Variants in DCUN1D3 observed in about 807,000 individuals in gnomAD.
DCUN1D3 encodes defective in cullin neddylation 1 domain containing 3, also known as DCN1-like protein 3.
In DCUN1D3, 6 loss-of-function variants were observed where a neutral mutation model predicts 24.8. That is an observed-to-expected ratio of 0.24 (90% confidence interval 0.13 to 0.48). DCUN1D3 has a LOEUF of 0.48. Among genes scored for constraint, DCUN1D3 ranks in the 20% least tolerant of loss-of-function variants. The pLI, the probability that DCUN1D3 is intolerant of heterozygous loss-of-function variation, is 0.99. For missense variants in DCUN1D3, 258 were observed against 379.4 expected (o/e 0.68, Z 2.66); for synonymous variants, 120 against 144.9 (o/e 0.83, Z 1.24).
Position 20,859,994 on chromosome 16 carries a change from G to A in DCUN1D3, c.807C>T (p.Leu269=). 6.2e-7 allele frequency: 1 copy of A among 1,614,244 alleles called. No homozygotes were observed. Among genetic ancestry groups the A allele is most frequent in the South Asian group, 1.1e-5 (1 of 91,082 alleles). ...NYSEDEAWPS[L]FDTFVEWEME... ...TTTCCCACTCCACAAAGGTGTCAAA[G>A]AGACTTGGCCAGGCCTCATCTTCAC... is the stretch of plus-strand genomic sequence containing the variant. The change falls in exon 3 of 3, where the codon CTC becomes CTT. Residue 269 remains leucine (L), a synonymous_variant. Coordinates refer to ENST00000324344, the MANE Select transcript of DCUN1D3 (RefSeq NM_173475.4).
chr16:20,883,859 C>G (rs188352135), intron 1 of DCUN1D3, among the ~76,000 whole-genome samples: 1 of 152,312 alleles, frequency 6.6e-6, no homozygotes, highest in East Asian at 1.9e-4. Flanking sequence ...TTAAGCAACT[C>G]CAGCTCTTTG....
intron 1 of DCUN1D3, among the ~76,000 whole-genome samples, chr16:20,867,595 T>G (rs887729805): frequency 2.0e-5 from 3 of 152,242 alleles, no homozygotes; most frequent in African/African-American, 7.2e-5. Context: ...GATATCTGCC[T>G]GATAGAGCTC....
intron 1 of DCUN1D3, among the ~76,000 whole-genome samples, chr16:20,874,640 G>A (rs2081804977): frequency 6.6e-6 from 1 of 152,098 alleles, no homozygotes; most frequent in South Asian, 2.1e-4. Flanking sequence ...CCTGAACTTG[G>A]CTACCCTCTT....
intron 1 of DCUN1D3, among the ~76,000 whole-genome samples, chr16:20,892,460 T>A (rs1034085092): frequency 6.6e-6 from 1 of 152,208 alleles, no homozygotes; most frequent in African/African-American, 2.4e-5. Context: ...CCCTCCTGTT[T>A]AAAGAGCACT....
At chr16:20,896,143 C>T (rs538481563) in intron 1 of DCUN1D3, among the ~76,000 whole-genome samples, 5 of 152,232 alleles carry the variant, frequency 3.3e-5, no homozygotes, top group East Asian at 3.9e-4. Flanking sequence ...CTATGATGTT[C>T]GGTAGGTGAG....
chr16:20,886,933 A>G (rs1325249409), intron 1 of DCUN1D3, among the ~76,000 whole-genome samples: 2 of 152,256 alleles, frequency 1.3e-5, no homozygotes. Context: ...TGTCTTTGAC[A>G]TGACTTTAGT....
chr16:20,880,406 C>A (rs1399210498), intron 1 of DCUN1D3, among the ~76,000 whole-genome samples: 5 of 151,932 alleles, frequency 3.3e-5, no homozygotes, highest in African/African-American at 9.7e-5. Context: ...TCGAGACCAG[C>A]TTGGGCAACA....
At chr16:20,864,424 C>T (rs878941338) in intron 1 of DCUN1D3, among the ~76,000 whole-genome samples, 2 of 151,442 alleles carry the variant, frequency 1.3e-5, no homozygotes, top group South Asian at 4.2e-4. Context: ...AAATGCAAAT[C>T]AAAACCACAA....
chr16:20,891,467 C>T (rs1343434868), intron 1 of DCUN1D3, among the ~76,000 whole-genome samples: 3 of 152,188 alleles, frequency 2.0e-5, no homozygotes, highest in Non-Finnish European at 2.9e-5. Flanking sequence ...CCCTTCTTTA[C>T]CAACTTCCGA....
intron 1 of DCUN1D3, among the ~76,000 whole-genome samples, chr16:20,885,800 C>A (rs1010634297): frequency 6.6e-6 from 1 of 152,054 alleles, no homozygotes; most frequent in African/African-American, 2.4e-5. Context: ...GGCACATATC[C>A]CACTGTCCCT....
chr16:20,864,566 C>G (rs911533646), intron 1 of DCUN1D3, among the ~76,000 whole-genome samples: 1 of 151,958 alleles, frequency 6.6e-6, no homozygotes, highest in Non-Finnish European at 1.5e-5. Flanking sequence ...CTTCGACCAC[C>G]GTGGAAAGCA....
intron 1 of DCUN1D3, among the ~76,000 whole-genome samples, chr16:20,876,678 T>C (rs1258586015): frequency 6.6e-6 from 1 of 152,144 alleles, no homozygotes; most frequent in Non-Finnish European, 1.5e-5. Flanking sequence ...TTATTCACAA[T>C]AGCCAAAATA....
At chr16:20,875,465 G>A (rs1450799889) in intron 1 of DCUN1D3, among the ~76,000 whole-genome samples, 3 of 152,170 alleles carry the variant, frequency 2.0e-5, no homozygotes, top group Non-Finnish European at 4.4e-5. Flanking sequence ...GACTAGGTTT[G>A]TACAGCCCAG....
intron 1 of DCUN1D3, among the ~76,000 whole-genome samples, chr16:20,882,115 CTG>C (rs1279305286): frequency 6.6e-6 from 1 of 150,990 alleles, no homozygotes; most frequent in Non-Finnish European, 1.5e-5. Flanking sequence ...CTTATACACA[CTG>C]TTACCACTGC....
intron 1 of DCUN1D3, among the ~76,000 whole-genome samples, chr16:20,887,320 A>AC (rs2152518553): frequency 6.6e-6 from 1 of 152,322 alleles, no homozygotes; most frequent in Admixed American, 6.5e-5. Context: ...AGTAAATACA[A>AC]TAAAAAACAG....
rs35682029 is a variant in DCUN1D3 at position 20,859,627 on chromosome 16, CA to C, written c.*258del. 3 of 288,954 alleles carry C rather than the reference CA, an allele frequency of 1.0e-5. No homozygotes were observed. The highest frequency in any genetic ancestry group is 7.0e-5 in the East Asian group (1 of 14,320). The allele number at this position is 288,954 out of a possible 1,614,324, so 17.9% of individuals were successfully genotyped here. A position where few individuals can be genotyped will look rare whatever the true frequency, so the allele number is the denominator to read the frequency against. On this transcript the variant is annotated 3_prime_UTR_variant, in exon 3 of 3. Coordinates refer to ENST00000324344, the MANE Select transcript of DCUN1D3 (RefSeq NM_173475.4). ...GCAGGCTTATTCTATCTGAAGGCTT[CA>C]AAAAAAGATACACAACATGTAACCA...
Position 20,857,864 on chromosome 16 carries a change from A to G in DCUN1D3, c.*2022T>C, listed in dbSNP as rs1004080715. ...ATTCCAAGTATGTTCCCTATGGTCA[A>G]TATCAGTTTTAGAAAAATACCAACT... is the stretch of plus-strand genomic sequence containing the variant. On this transcript the variant is annotated 3_prime_UTR_variant, in exon 3 of 3. Coordinates refer to ENST00000324344, the MANE Select transcript of DCUN1D3 (RefSeq NM_173475.4). The G allele has an allele frequency of 2.0e-5, 3 of 152,236 alleles. No homozygotes were observed. The highest frequency in any genetic ancestry group is 4.4e-5 in the Non-Finnish European group (3 of 68,032). 9.4% of individuals were successfully genotyped at this position (152,236 alleles called of 1,614,324 possible).
At chr16:20,879,948 A>G (rs1352879964) in intron 1 of DCUN1D3, among the ~76,000 whole-genome samples, 2 of 152,250 alleles carry the variant, frequency 1.3e-5, no homozygotes, top group Non-Finnish European at 2.9e-5. Flanking sequence ...CTGTAAGAGA[A>G]GTCAACCTAA....
intron 1 of DCUN1D3, among the ~76,000 whole-genome samples, chr16:20,896,001 T>C (rs1352423295): frequency 6.6e-6 from 1 of 152,216 alleles, no homozygotes; most frequent in Admixed American, 6.5e-5. Flanking sequence ...ATTCTGTTTT[T>C]CACTTCCAGT....
Sources: gnomAD v4.1 joint callset for allele counts (sites outside exome capture counted in the v4.1 genomes callset) on GRCh38, gnomAD v4.1.1 for gene constraint, MANE v1.5 for transcripts, NCBI Gene and HGNC (gene_info 2026-07-23, HGNC 2026-07-21) for gene names.